Variants in MAML2 observed in about 807,000 individuals in gnomAD.
The protein encoded by MAML2 is mastermind like transcriptional coactivator 2, also known as mastermind-like protein 2.
A neutral mutation model predicts 96.1 loss-of-function variants in MAML2; 22 were observed. That is an observed-to-expected ratio of 0.23 (90% CI 0.16 to 0.33). MAML2 has a LOEUF of 0.33. Among genes scored for constraint, MAML2 ranks in the 10% least tolerant of loss-of-function variants. The pLI, the probability that MAML2 is intolerant of heterozygous loss-of-function variation, is 1.00. For synonymous variants in MAML2, 561 were observed against 521.3 expected, an observed-to-expected ratio of 1.08 and a Z score of -1.04; for missense variants, 1,367 against 1,392.4, an observed-to-expected ratio of 0.98 and a Z score of 0.29.
At chr11:96,289,926 A>T (rs1486558198) in intron 1 of MAML2, among the ~76,000 whole-genome samples, 5 of 152,214 alleles carry the variant, frequency 3.3e-5, no homozygotes, top group Admixed American at 3.3e-4. Flanking sequence ...GGGAATAAAT[A>T]TCAACTAAAT....
rs1359468346 is a variant in MAML2, at chr11:95,977,258, T to G, written c.*1690A>C. 3 of 184,424 alleles carry G rather than the reference T, an allele frequency of 1.6e-5. No homozygotes were observed. Among genetic ancestry groups the G allele is most frequent in the African/African-American group, 4.7e-5 (2 of 42,632 alleles). The allele number at this position is 184,424 out of a possible 1,614,324, so 11.4% of individuals were successfully genotyped here. ...ATGTATAAATATAACCCAAAGAATA[T>G]GTTTGAAGTATTTCTACCAAAATAT... On this transcript the variant is annotated 3_prime_UTR_variant, in exon 5 of 5. Transcript: ENST00000524717.
At chr11:96,319,502 GTCATGCCA>G (rs1208337996) in intron 1 of MAML2, among the ~76,000 whole-genome samples, 1 of 152,188 alleles carries the variant, frequency 6.6e-6, no homozygotes, top group Non-Finnish European at 1.5e-5. Flanking sequence ...TGAACAAAAA[GTCATGCCA>G]TCAGAGAATT....
intron 3 of MAML2, among the ~76,000 whole-genome samples, chr11:95,989,082 G>A (rs1033165020): frequency 6.6e-6 from 1 of 152,222 alleles, no homozygotes; most frequent in African/African-American, 2.4e-5. Flanking sequence ...GATGTCCGTT[G>A]TAATAAGTAC....
chr11:96,281,057 C>A (rs1382378780), intron 1 of MAML2, among the ~76,000 whole-genome samples: 2 of 152,104 alleles, frequency 1.3e-5, no homozygotes, highest in East Asian at 1.9e-4. Context: ...TATTAAAATG[C>A]AAATTAATGC....
chr11:96,022,906 C>T (rs140426653), intron 2 of MAML2, among the ~76,000 whole-genome samples: 38 of 152,246 alleles, frequency 2.5e-4, no homozygotes, highest in African/African-American at 7.2e-4. Context: ...GTAGACATGA[C>T]GCTTAACCTC....
intron 2 of MAML2, among the ~76,000 whole-genome samples, chr11:96,070,594 T>G (rs1859330231): frequency 1.3e-5 from 2 of 152,232 alleles, no homozygotes; most frequent in African/African-American, 2.4e-5. Flanking sequence ...CACCTGGAGC[T>G]GCCCACCCCA....
intron 2 of MAML2, among the ~76,000 whole-genome samples, chr11:96,006,684 G>A (rs1012945619): frequency 6.6e-6 from 1 of 150,846 alleles, no homozygotes; most frequent in East Asian, 2.0e-4. Context: ...TCAGCCTCCC[G>A]AGTAGCTGGG....
In MAML2 at chr11:96,184,690, C is replaced by T. The variant is rs185315264; in HGVS notation, c.514-91173G>A. Among the ~76,000 whole-genome samples, 458 of 150,830 alleles carry T rather than the reference C, an allele frequency of 3.0e-3. 3 individuals carry two copies. The highest frequency in any genetic ancestry group is 0.011 in the African/African-American group (439 of 41,046). ...CTGCTAGCTCCGCCTCCCAGGTTCA[C>T]GCCATTCTCCTGCCTCAGCCTCTCG... On this transcript the variant is annotated intron_variant, in intron 1 of 4. Coordinates refer to ENST00000524717, the MANE Select transcript of MAML2 (RefSeq NM_032427.4).
intron 2 of MAML2, among the ~76,000 whole-genome samples, chr11:96,035,193 G>A (rs1858691106): frequency 6.6e-6 from 1 of 152,196 alleles, no homozygotes; most frequent in Non-Finnish European, 1.5e-5. Context: ...AGGCAATCAG[G>A]GCAAGTGTGA....
chr11:96,154,437 A>G (rs565126736), intron 1 of MAML2, among the ~76,000 whole-genome samples: 26 of 152,376 alleles, frequency 1.7e-4, no homozygotes, highest in Non-Finnish European at 3.2e-4. Context: ...AATTTGAGAA[A>G]TAGAATCAGT....
intron 1 of MAML2, among the ~76,000 whole-genome samples, chr11:96,264,015 T>C (rs991774024): frequency 6.6e-6 from 1 of 152,206 alleles, no homozygotes; most frequent in African/African-American, 2.4e-5. Context: ...TTGGTTATAG[T>C]TATAATTCAA....
chr11:95,998,341 C>T (rs1350564444), intron 2 of MAML2, among the ~76,000 whole-genome samples: 1 of 152,146 alleles, frequency 6.6e-6, no homozygotes, highest in African/African-American at 2.4e-5. Flanking sequence ...ATTTGGAATG[C>T]TCTTCAGAAC....
intron 1 of MAML2, among the ~76,000 whole-genome samples, chr11:96,152,515 A>G (rs1420933364): frequency 6.6e-6 from 1 of 152,224 alleles, no homozygotes; most frequent in Non-Finnish European, 1.5e-5. Flanking sequence ...TATAAAACTC[A>G]TTCTCTCTTT....
At chr11:96,324,343 C>T (rs1295939729) in intron 1 of MAML2, among the ~76,000 whole-genome samples, 1 of 152,070 alleles carries the variant, frequency 6.6e-6, no homozygotes, top group Non-Finnish European at 1.5e-5. Context: ...TCAGAAAACG[C>T]TTAGAAGAGT....
intron 1 of MAML2, among the ~76,000 whole-genome samples, chr11:96,257,667 A>G (rs905902490): frequency 6.6e-6 from 1 of 151,674 alleles, no homozygotes; most frequent in African/African-American, 2.4e-5. Flanking sequence ...TCATGTGCAT[A>G]TTTCATGCAC....
At chr11:96,099,666 G>A (rs1042622556) in intron 1 of MAML2, among the ~76,000 whole-genome samples, 1 of 152,134 alleles carries the variant, frequency 6.6e-6, no homozygotes, top group African/African-American at 2.4e-5. Context: ...TATTGAGTGG[G>A]AGCAGTAAAA....
chr11:96,213,880 G>A (rs1191101057), intron 1 of MAML2, among the ~76,000 whole-genome samples: 1 of 152,172 alleles, frequency 6.6e-6, no homozygotes, highest in Non-Finnish European at 1.5e-5. Context: ...GGTTCCCTGG[G>A]TAAGATGTGA....
At chr11:96,074,545 T>C (rs1444717953) in intron 2 of MAML2, among the ~76,000 whole-genome samples, 2 of 152,234 alleles carry the variant, frequency 1.3e-5, no homozygotes, top group Non-Finnish European at 2.9e-5. Flanking sequence ...GAAAGATCCA[T>C]GGTCAGTCCA....
chr11:96,058,942 C>T (rs1437968477), intron 2 of MAML2, among the ~76,000 whole-genome samples: 2 of 152,142 alleles, frequency 1.3e-5, no homozygotes, highest in East Asian at 3.9e-4. Context: ...ATTAGCTAGG[C>T]ATGGTGGTGC....
Sources: gnomAD v4.1 joint callset for allele counts (sites outside exome capture counted in the v4.1 genomes callset) on GRCh38, gnomAD v4.1.1 for gene constraint, MANE v1.5 for transcripts, NCBI Gene and HGNC (gene_info 2026-07-23, HGNC 2026-07-21) for gene names.